GRIK2: variants seen among roughly 807,000 people sequenced by gnomAD.
GRIK2 encodes glutamate ionotropic receptor kainate type subunit 2.
A neutral mutation model predicts 100.3 loss-of-function variants in GRIK2; 32 were observed. The observed-to-expected ratio is 0.32, with a 90% CI of 0.24 to 0.43. The LOEUF (loss-of-function observed/expected upper bound fraction) is 0.43. GRIK2 is among the 20% of genes least tolerant of loss of function. GRIK2 has a pLI of 1.00. For synonymous variants in GRIK2, 417 were observed against 389.4 expected, an observed-to-expected ratio of 1.07 and a Z score of -0.83; for missense variants, 843 against 1,114.9, an observed-to-expected ratio of 0.76 and a Z score of 3.47.
intron 16 of GRIK2, among the ~76,000 whole-genome samples, chr6:102,066,981 T>A (rs931823950): frequency 6.6e-6 from 1 of 151,774 alleles, no homozygotes; most frequent in East Asian, 1.9e-4. Flanking sequence ...TATATCAGGA[T>A]ATGTTGCTGG....
chr6:101,988,090 AGT>A (rs57491735), intron 14 of GRIK2, among the ~76,000 whole-genome samples: 4,751 of 141,206 alleles, frequency 0.034, 101 homozygotes, highest in Middle Eastern at 0.055. Context: ...CCAGTATTAT[AGT>A]GTGTGTGTGT....
chr6:101,479,922 A>G (rs2128260565), intron 2 of GRIK2, among the ~76,000 whole-genome samples: 1 of 152,302 alleles, frequency 6.6e-6, no homozygotes, highest in Non-Finnish European at 1.5e-5. Context: ...ATAGGCAAAA[A>G]TCACAGTATA....
intron 14 of GRIK2, among the ~76,000 whole-genome samples, chr6:102,000,447 A>G (rs899491799): frequency 6.6e-6 from 1 of 151,878 alleles, no homozygotes; most frequent in Non-Finnish European, 1.5e-5. Flanking sequence ...GGTAGTCCAC[A>G]GTGCCTATTG....
chr6:102,013,070 A>T (rs10080845), intron 14 of GRIK2, among the ~76,000 whole-genome samples: 1 of 152,104 alleles, frequency 6.6e-6, no homozygotes, highest in Non-Finnish European at 1.5e-5. Flanking sequence ...CTATGAGTAT[A>T]GAATGTTTCT....
At chr6:101,456,147 A>G (rs746865167) in intron 2 of GRIK2, among the ~76,000 whole-genome samples, 8 of 151,210 alleles carry the variant, frequency 5.3e-5, no homozygotes, top group Non-Finnish European at 8.9e-5. Context: ...AAAGAGAAGG[A>G]TGCTGAAAGG....
chr6:102,062,025 A>ATT (rs35074221), intron 16 of GRIK2, among the ~76,000 whole-genome samples: 67 of 146,250 alleles, frequency 4.6e-4, no homozygotes, highest in African/African-American at 1.3e-3. Flanking sequence ...GTCAGACCTT[A>ATT]TTTTTTTTTT....
intron 15 of GRIK2, among the ~76,000 whole-genome samples, chr6:102,042,362 T>TAAAC (rs888169138): frequency 5.5e-4 from 83 of 151,662 alleles, no homozygotes; most frequent in African/African-American, 1.9e-3. Context: ...ACATAAAATA[T>TAAAC]AAACATAAAT....
Position 101,656,284 on chromosome 6 carries a change from CAA to C in GRIK2, c.542-20338_542-20337del, listed in dbSNP as rs1229487989. Among the ~76,000 whole-genome samples, 13 of 123,922 alleles carry C rather than the reference CAA, an allele frequency of 1.0e-4. No homozygotes were observed. The East Asian group carries it at 2.7e-3, about 26-fold the overall frequency. 81.3% of individuals were successfully genotyped at this position (123,922 alleles called of 152,430 possible). On this transcript the variant is annotated intron_variant, in intron 4 of 16. Transcript: ENST00000369134. ...CACCATTGTACTCCAGCCTGGGTAACAAGAGAGAGACTCCATCCAAAAAAAAA... is the reference window on the plus strand; with the variant it reads ...CACCATTGTACTCCAGCCTGGGTAACGAGAGAGACTCCATCCAAAAAAAAA...
chr6:101,760,578 TTATA>T (rs1777510870), intron 7 of GRIK2, among the ~76,000 whole-genome samples: 1 of 81,078 alleles, frequency 1.2e-5, no homozygotes, highest in Non-Finnish European at 1.9e-5. Flanking sequence ...ATTTAATTAA[TTATA>T]TATAATTATA....
At chr6:102,056,862 C>T (rs1005978399) in intron 16 of GRIK2, among the ~76,000 whole-genome samples, 1 of 151,814 alleles carries the variant, frequency 6.6e-6, no homozygotes, top group Non-Finnish European at 1.5e-5. Flanking sequence ...ATTTTTATAA[C>T]CCCATTTTGT....
chr6:101,830,491 C>G (rs890796194), intron 10 of GRIK2, among the ~76,000 whole-genome samples: 2 of 151,686 alleles, frequency 1.3e-5, no homozygotes, highest in African/African-American at 2.4e-5. Flanking sequence ...AGATTAATAT[C>G]CAGAATCTAA....
chr6:101,587,253 G>A (rs9485517), intron 2 of GRIK2, among the ~76,000 whole-genome samples: 37,919 of 151,958 alleles, frequency 0.25, 4,974 homozygotes, highest in African/African-American at 0.34. Context: ...CAATTGGACA[G>A]AACTATGCCC....
intron 10 of GRIK2, among the ~76,000 whole-genome samples, chr6:101,844,205 A>G (rs1783678874): frequency 6.6e-6 from 1 of 152,154 alleles, no homozygotes; most frequent in Non-Finnish European, 1.5e-5. Context: ...TTAGATCTAA[A>G]TTTACTTTTT....
chr6:101,662,783 T>C lies in GRIK2; in HGVS notation c.542-13840T>C, dbSNP rs73761383. Among the ~76,000 whole-genome samples the C allele has an allele frequency of 7.3e-3, 1,106 of 152,164 alleles. 12 individuals are homozygous for C. The highest frequency in any genetic ancestry group is 0.025 in the African/African-American group (1,029 of 41,506). On this transcript the variant is annotated intron_variant, in intron 4 of 16. Coordinates refer to ENST00000369134, the MANE Select transcript of GRIK2 (RefSeq NM_021956.5). ...TTGTACATAAGTCATTGAAGAAAAA[T>C]GATTTGCATATCTGTCTCACCACCA...
Position 101,523,720 on chromosome 6 carries a change from C to CTTTTTTTTTTTTTTT in GRIK2, c.116-98224_116-98210dup, listed in dbSNP as rs1163558120. ...AAATAGAACATAATGACTCCTAAGT[C>CTTTTTTTTTTTTTTT]TTTTTTTTTTTTTTTTTTTGATGGA... On this transcript the variant is annotated intron_variant, in intron 2 of 16. Transcript: ENST00000369134. Among the ~76,000 whole-genome samples the CTTTTTTTTTTTTTTT allele has an allele frequency of 4.3e-4, 52 of 121,522 alleles. 2 individuals are homozygous for CTTTTTTTTTTTTTTT. The highest frequency in any genetic ancestry group is 5.0e-4 in the Non-Finnish European group (29 of 58,228). 79.7% of individuals were successfully genotyped at this position (121,522 alleles called of 152,430 possible).
intron 2 of GRIK2, among the ~76,000 whole-genome samples, chr6:101,602,280 G>A (rs1459814685): frequency 6.6e-6 from 1 of 151,274 alleles, no homozygotes; most frequent in Non-Finnish European, 1.5e-5. Context: ...ATTCCACTAT[G>A]GTCTGAGAGT....
At chr6:101,866,854 A>G (rs1785079496) in intron 11 of GRIK2, among the ~76,000 whole-genome samples, 1 of 151,790 alleles carries the variant, frequency 6.6e-6, no homozygotes, top group South Asian at 2.1e-4. Flanking sequence ...CTGAATGCCT[A>G]TAATGCAAAT....
chr6:101,784,598 A>G (rs1054883365), intron 7 of GRIK2, among the ~76,000 whole-genome samples: 1 of 152,160 alleles, frequency 6.6e-6, no homozygotes, highest in African/African-American at 2.4e-5. Flanking sequence ...CCCAAATCTC[A>G]TCTCAAATTG....
At chr6:101,624,143 C>A (rs1780314540) in intron 3 of GRIK2, among the ~76,000 whole-genome samples, 1 of 151,962 alleles carries the variant, frequency 6.6e-6, no homozygotes, top group African/African-American at 2.4e-5. Context: ...TGTATTAGAG[C>A]TTGAATTATT....
Sources: gnomAD v4.1 joint callset for allele counts (sites outside exome capture counted in the v4.1 genomes callset) on GRCh38, gnomAD v4.1.1 for gene constraint, MANE v1.5 for transcripts, NCBI Gene and HGNC (gene_info 2026-07-23, HGNC 2026-07-21) for gene names.